ZNF264: variants seen among roughly 807,000 people sequenced by gnomAD.
ZNF264 encodes the protein zinc finger protein 264.
Under a neutral mutation model 11.2 loss-of-function variants are expected in ZNF264, and 11 were observed. That is an observed-to-expected ratio of 0.98 (90% CI 0.62 to 1.63). The LOEUF (loss-of-function observed/expected upper bound fraction) is 1.63. Ranked by LOEUF, ZNF264 falls within the 40% of genes most tolerant of loss-of-function variation. The pLI is 0.00. For synonymous variants in ZNF264, 309 were observed against 279.8 expected, an observed-to-expected ratio of 1.10 and a Z score of -1.04; for missense variants, 752 against 768.1, an observed-to-expected ratio of 0.98 and a Z score of 0.25.
intron 1 of ZNF264, 64 bp downstream of exon 1, chr19:57,192,010 G>A (rs971165921): frequency 1.4e-6 from 2 of 1,420,366 alleles, no homozygotes; most frequent in African/African-American, 1.5e-5. Flanking sequence ...TTCCGAAGTG[G>A]GTGGGAGCCC....
intron 3 of ZNF264, among the ~76,000 whole-genome samples, chr19:57,210,334 C>T (rs2087325306): frequency 1.3e-5 from 2 of 152,168 alleles, no homozygotes; most frequent in African/African-American, 4.8e-5. Context: ...CTAACTCTTC[C>T]GACACGGACT....
At chr19:57,192,172 C>T (rs902747399) in intron 1 of ZNF264, among the ~76,000 whole-genome samples, 8 of 152,082 alleles carry the variant, frequency 5.3e-5, no homozygotes, top group Non-Finnish European at 1.2e-4. Context: ...TCTGGGGACT[C>T]CCATCATCCT....
At chr19:57,203,932 A>G (rs2087271831) in intron 2 of ZNF264, among the ~76,000 whole-genome samples, 1 of 152,042 alleles carries the variant, frequency 6.6e-6, no homozygotes, top group Admixed American at 6.6e-5. Flanking sequence ...TACGCCTGTA[A>G]TCCCAGCACT....
In ZNF264 at chr19:57,191,633, G is replaced by C; in HGVS notation, c.-281G>C. ...CCCCGCCGCACCTTTGTACGAGCCT[G>C]ACCCCTTCCGTGGGTTTGTTCCTGG... On this transcript the variant is annotated 5_prime_UTR_variant, in exon 1 of 4. Coordinates refer to ENST00000263095, the MANE Select transcript of ZNF264 (RefSeq NM_003417.5). The C allele has an allele frequency of 2.6e-6, 1 of 381,004 alleles. No homozygotes were observed. Among genetic ancestry groups the C allele is most frequent in the Non-Finnish European group, 4.7e-6 (1 of 214,606 alleles). 23.6% of individuals were successfully genotyped at this position (381,004 alleles called of 1,614,324 possible). A position where few individuals can be genotyped will look rare whatever the true frequency, so the allele number is the denominator to read the frequency against.
chr19:57,194,095 T>C, intron 2 of ZNF264, 94 bp downstream of exon 2: 1 of 1,492,618 alleles, frequency 6.7e-7, no homozygotes, highest in South Asian at 1.3e-5. Flanking sequence ...AGAAGGCCTC[T>C]AGAATCTACC....
chr19:57,202,578 C>T (rs940295981), intron 2 of ZNF264, among the ~76,000 whole-genome samples: 1 of 151,750 alleles, frequency 6.6e-6, no homozygotes, highest in Admixed American at 6.6e-5. Context: ...AACCCTATAC[C>T]CTGGGAAAGG....
In ZNF264 at chr19:57,211,869, C is replaced by G; in HGVS notation, c.772C>G (p.Pro258Ala). 6.2e-7 allele frequency: 1 copy of G among 1,614,198 alleles called. No individual in the cohort carries two copies. ...TCACATGATCCACACTGGGGAGAGG[C>G]CCTATGAGTGCATGGAGTGTGGAAA... ...QHHMIHTGER[P>A]YECMECGKAF... The change falls in exon 4 of 4, where the codon CCC (proline) becomes GCC (alanine). Residue 258 changes from proline (P) to alanine (A), a missense_variant. Transcript: ENST00000263095.
chr19:57,207,606 C>A (rs2087303014), intron 3 of ZNF264, among the ~76,000 whole-genome samples: 1 of 133,628 alleles, frequency 7.5e-6, no homozygotes, highest in Admixed American at 8.5e-5. Context: ...TGCAGTGGTG[C>A]TATCTTGGCT....
intron 2 of ZNF264, among the ~76,000 whole-genome samples, chr19:57,201,853 G>C (rs2087255699): frequency 6.6e-6 from 1 of 151,816 alleles, no homozygotes; most frequent in South Asian, 2.1e-4. Context: ...CAATCCCTTA[G>C]TGAGCTGATC....
At position 57,211,657 on chromosome 19, in the gene ZNF264, C is replaced by T; in HGVS notation, c.560C>T (p.Ser187Leu). The T allele has an allele frequency of 6.2e-7, 1 of 1,614,150 alleles. No individual in the cohort carries two copies. The highest frequency in any genetic ancestry group is 8.5e-7 in the Non-Finnish European group (1 of 1,180,024). Residue 187 changes from serine to leucine, a missense_variant, in exon 4 of 4, where the codon TCA becomes TTA. Physicochemically the swap from Ser to Leu is moderately radical, Grantham distance 145 (BLOSUM62 -2). Transcript: ENST00000263095. ...SPGDRVRSHN[S>L]CESGKDPMIQ... ...GGAGATAGAGTCCGTAGCCATAACT[C>T]ATGTGAGTCAGGTAAAGATCCCATG... is the stretch of plus-strand genomic sequence containing the variant.
At chr19:57,201,869 C>T (rs1271402010) in intron 2 of ZNF264, among the ~76,000 whole-genome samples, 1 of 151,810 alleles carries the variant, frequency 6.6e-6, no homozygotes, top group African/African-American at 2.4e-5. Flanking sequence ...TGATCTTCAG[C>T]CTTCCCATGA....
At position 57,212,527 on chromosome 19, in the gene ZNF264, A is replaced by T; in HGVS notation, c.1430A>T (p.His477Leu). Residue 477 changes from histidine (H) to leucine (L), a missense_variant, in exon 4 of 4, where the codon CAC becomes CTC. Physicochemically the swap from His to Leu is moderately conservative, Grantham distance 99. Coordinates refer to ENST00000263095, the MANE Select transcript of ZNF264 (RefSeq NM_003417.5). ...GACCTCATTCGCCACTTCAGCATCC[A>T]CACTGGAGAGAAGCCCTATGAGTGC... Reference protein sequence around the residue: ...RKDLIRHFSIHTGEKPYECVE... With the variant: ...RKDLIRHFSILTGEKPYECVE... 6.2e-7 allele frequency: 1 copy of T among 1,614,134 alleles called. No homozygotes were observed. The highest frequency in any genetic ancestry group is 8.5e-7 in the Non-Finnish European group (1 of 1,180,002).
At position 57,216,938 on chromosome 19, in the gene ZNF264, G is replaced by A. The variant is rs2087384390; in HGVS notation, c.*3957G>A. The A allele has an allele frequency of 6.6e-6, 1 of 150,996 alleles. No individual in the cohort carries two copies. Among genetic ancestry groups the A allele is most frequent in the African/African-American group, 2.4e-5 (1 of 41,060 alleles). The allele number at this position is 150,996 out of a possible 1,614,324, so 9.4% of individuals were successfully genotyped here. A position where few individuals can be genotyped will look rare whatever the true frequency, so the allele number is the denominator to read the frequency against. On this transcript the variant is annotated 3_prime_UTR_variant, in exon 4 of 4. Coordinates refer to ENST00000263095, the MANE Select transcript of ZNF264 (RefSeq NM_003417.5). ...ATAGATCCTCCTTGACTTATGATGG[G>A]GTTATGTCACAATAAACCCATTGCA...
At chr19:57,192,082 C>A in intron 1 of ZNF264, 136 bp downstream of exon 1, 1 of 884,584 alleles carries the variant, frequency 1.1e-6, no homozygotes, top group Non-Finnish European at 1.5e-6. Context: ...GCTGGTTTGC[C>A]ACTTAATTTA....
rs1476814326 is a variant in ZNF264 at position 57,218,999 on chromosome 19, C to G, written c.*6018C>G. The G allele has an allele frequency of 1.3e-5, 2 of 152,094 alleles. No homozygotes were observed. Among genetic ancestry groups the G allele is most frequent in the Non-Finnish European group, 2.9e-5 (2 of 68,022 alleles). 9.4% of individuals were successfully genotyped at this position (152,094 alleles called of 1,614,324 possible). ...CCACAGTCTTCTGAGTTGTGCTACA[C>G]CAATATTTCTATGAACAGATCTTAC... On this transcript the variant is annotated 3_prime_UTR_variant, in exon 4 of 4. Transcript: ENST00000263095.
intron 2 of ZNF264, among the ~76,000 whole-genome samples, chr19:57,197,660 G>A (rs2087221789): frequency 6.6e-6 from 1 of 151,924 alleles, no homozygotes; most frequent in Admixed American, 6.6e-5. Context: ...CGATAAATGG[G>A]CTGGAGTGGC....
chr19:57,202,579 C>T (rs192637888), intron 2 of ZNF264, among the ~76,000 whole-genome samples: 2 of 151,878 alleles, frequency 1.3e-5, no homozygotes, highest in East Asian at 1.9e-4. Flanking sequence ...ACCCTATACC[C>T]TGGGAAAGGA....
At chr19:57,192,003 C>T (rs915763788) in intron 1 of ZNF264, 57 bp downstream of exon 1, 8 of 1,445,458 alleles carry the variant, frequency 5.5e-6, no homozygotes, top group South Asian at 1.4e-5. Context: ...AGGCGGTTTC[C>T]GAAGTGGGTG....
chr19:57,195,425 G>C (rs1287959646), intron 2 of ZNF264, among the ~76,000 whole-genome samples: 1 of 152,208 alleles, frequency 6.6e-6, no homozygotes, highest in Non-Finnish European at 1.5e-5. Context: ...GGTCGTAGTT[G>C]GTATTAATGA....
Sources: allele counts gnomAD v4.1 joint callset (sites outside exome capture counted in the v4.1 genomes callset), GRCh38; gene constraint gnomAD v4.1.1; transcripts MANE v1.5; gene names NCBI Gene and HGNC (gene_info 2026-07-23, HGNC 2026-07-21).